Variants in ESF1 observed in about 807,000 individuals in gnomAD.
ESF1 encodes the protein ESF1 homolog.
A neutral mutation model predicts 92.0 loss-of-function variants in ESF1; 58 were observed. The ratio of observed to expected loss-of-function variants is 0.63; its 90% CI spans 0.51 to 0.78. ESF1 has a LOEUF of 0.78. Ranked by LOEUF, ESF1 falls within the 30% of genes least tolerant of loss-of-function variation. The pLI is 0.00. For synonymous variants in ESF1, 321 were observed against 313.7 expected, an observed-to-expected ratio of 1.02 and a Z score of -0.24; for missense variants, 922 against 989.1, an observed-to-expected ratio of 0.93 and a Z score of 0.91.
intron 13 of ESF1, among the ~76,000 whole-genome samples, chr20:13,717,007 T>C (rs973509487): frequency 1.4e-4 from 22 of 151,756 alleles, no homozygotes; most frequent in African/African-American, 4.3e-4. Context: ...TTAGTAGAGA[T>C]GGGGTTTCAC....
intron 10 of ESF1, among the ~76,000 whole-genome samples, chr20:13,728,769 A>C (rs990520562): frequency 6.6e-6 from 1 of 151,976 alleles, no homozygotes; most frequent in African/African-American, 2.4e-5. Context: ...CGTGAGGCTG[A>C]GGCAGGAGAA....
chr20:13,729,682 C>T (rs2049928737), intron 10 of ESF1, among the ~76,000 whole-genome samples: 2 of 152,120 alleles, frequency 1.3e-5, no homozygotes, highest in East Asian at 3.9e-4. Context: ...CTAAAACATA[C>T]ACAAAAGTAG....
chr20:13,782,414 A>G, intron 2 of ESF1, 90 bp downstream of exon 2: 1 of 1,124,680 alleles, frequency 8.9e-7, no homozygotes, highest in Non-Finnish European at 1.2e-6. Flanking sequence ...AATACTATGA[A>G]AATACTTATT....
chr20:13,720,170 T>C (rs889006747), intron 11 of ESF1, among the ~76,000 whole-genome samples: 3 of 152,162 alleles, frequency 2.0e-5, no homozygotes, highest in African/African-American at 7.2e-5. Context: ...CTGTGTCTCC[T>C]TTCCTTGTAC....
intron 11 of ESF1, among the ~76,000 whole-genome samples, chr20:13,722,342 ATTG>A (rs758081987): frequency 1.3e-5 from 2 of 152,306 alleles, no homozygotes; most frequent in East Asian, 3.9e-4. Flanking sequence ...GTTAGACTGA[ATTG>A]TTTAGTGAAA....
intron 11 of ESF1, among the ~76,000 whole-genome samples, chr20:13,726,615 C>G (rs2049902436): frequency 6.6e-6 from 1 of 152,190 alleles, no homozygotes; most frequent in Non-Finnish European, 1.5e-5. Flanking sequence ...TACCCTCATA[C>G]TATTTATCTG....
chr20:13,727,664 C>T (rs1292336034), intron 11 of ESF1, among the ~76,000 whole-genome samples: 1 of 152,056 alleles, frequency 6.6e-6, no homozygotes. Context: ...AACACATTTA[C>T]ACATACGCAT....
intron 12 of ESF1, among the ~76,000 whole-genome samples, chr20:13,717,918 C>T (rs1432174013): frequency 1.4e-5 from 2 of 148,036 alleles, no homozygotes; most frequent in Non-Finnish European, 3.0e-5. Flanking sequence ...ATTATACTTT[C>T]TAAATGTGTA....
At chr20:13,747,720 A>AT (rs201702888) in intron 9 of ESF1, among the ~76,000 whole-genome samples, 152,372 of 152,374 alleles carry the variant, frequency 1, 76,185 homozygotes, top group Middle Eastern at 1. Flanking sequence ...ATGTGTAGGC[A>AT]TTTTATTGTT....
At position 13,745,176 on chromosome 20, in the gene ESF1, G is replaced by A. The variant is rs1056988100; in HGVS notation, c.1829-11334C>T. 4.6e-5 allele frequency among the ~76,000 whole-genome samples: 7 copies of A among 152,200 alleles called. No individual in the cohort carries two copies. In the South Asian group the frequency reaches 1.4e-3, roughly 31 times the overall value. On this transcript the variant is annotated intron_variant, in intron 9 of 13. Coordinates refer to ENST00000617257, the MANE Select transcript of ESF1 (RefSeq NM_001276380.2). ...CTGGTGAGAGTATAAGATGGCACAA[G>A]CATTTGGGAAAACACATGACCTAGT...
chr20:13,760,556 C>T (rs914502641), intron 8 of ESF1, among the ~76,000 whole-genome samples: 39 of 148,808 alleles, frequency 2.6e-4, no homozygotes, highest in African/African-American at 9.2e-4. Context: ...CCCCTCCGCC[C>T]GGCAGCCGCC....
intron 9 of ESF1, among the ~76,000 whole-genome samples, chr20:13,737,689 T>C (rs796657873): frequency 4.6e-5 from 7 of 152,300 alleles, no homozygotes; most frequent in South Asian, 4.1e-4. Context: ...AGTCTTGCTC[T>C]GTCACCCAGG....
Position 13,756,298 on chromosome 20 carries a change from G to A in ESF1, c.1828+3394C>T, listed in dbSNP as rs537313255. Among the ~76,000 whole-genome samples the A allele has an allele frequency of 2.0e-5, 3 of 152,240 alleles. No homozygotes were observed. In the South Asian group the frequency reaches 6.2e-4, roughly 32 times the overall value. ...GCGTGCATGTACATAAGGATTCACA[G>A]ATAACAATACCTCATTAGGGGCCTT... On this transcript the variant is annotated intron_variant, in intron 9 of 13. Transcript: ENST00000617257.
At chr20:13,730,406 C>T (rs1342889234) in intron 10 of ESF1, among the ~76,000 whole-genome samples, 6 of 134,634 alleles carry the variant, frequency 4.5e-5, no homozygotes, top group Non-Finnish European at 6.3e-5. Context: ...TTTTTTGAGA[C>T]GGAGTCTCAC....
At chr20:13,750,309 A>G (rs1448795468) in intron 9 of ESF1, among the ~76,000 whole-genome samples, 1 of 152,196 alleles carries the variant, frequency 6.6e-6, no homozygotes, top group African/African-American at 2.4e-5. Context: ...GTTCGAGACC[A>G]GCCTGGCTAA....
Position 13,728,379 on chromosome 20 carries a change from T to C in ESF1, c.2037A>G (p.Ile679Met). ...DPYFAEEVKQ[I>M]GINKKSVKSA... Reference sequence around the variant, plus strand: ...AACTACAGATATGAGCTGGCTTACCTATTTGTTTAACTTCTTCAGCAAAGT... The same window carrying C: ...AACTACAGATATGAGCTGGCTTACCCATTTGTTTAACTTCTTCAGCAAAGT... Residue 679 changes from isoleucine (I) to methionine (M), a missense_variant and splice_region_variant, in exon 11 of 14, where the codon ATA (isoleucine) becomes ATG (methionine). Coordinates refer to ENST00000617257, the MANE Select transcript of ESF1 (RefSeq NM_001276380.2). The C allele has an allele frequency of 6.2e-7, 1 of 1,610,700 alleles. No homozygotes were observed. The highest frequency in any genetic ancestry group is 8.5e-7 in the Non-Finnish European group (1 of 1,178,404).
intron 10 of ESF1, among the ~76,000 whole-genome samples, chr20:13,732,473 C>T (rs1171269208): frequency 6.6e-6 from 1 of 152,158 alleles, no homozygotes; most frequent in Non-Finnish European, 1.5e-5. Context: ...CGTCACAGCA[C>T]TAAAAGTCAA....
Position 13,714,813 on chromosome 20 carries a change from C to A in ESF1, c.*61G>T, listed in dbSNP as rs908842600. On this transcript the variant is annotated 3_prime_UTR_variant, in exon 14 of 14. Coordinates refer to ENST00000617257, the MANE Select transcript of ESF1 (RefSeq NM_001276380.2). ...GCTTTGTTCCCAATAAATATTCCCT[C>A]CTATTATTTTTGTACATTTTAGGAA... The A allele has an allele frequency of 6.7e-5, 88 of 1,312,556 alleles. No individual in the cohort carries two copies. In the African/African-American group the frequency reaches 1.3e-3, roughly 19 times the overall value. 81.3% of individuals were successfully genotyped at this position (1,312,556 alleles called of 1,614,324 possible). A position where few individuals can be genotyped will look rare whatever the true frequency, so the allele number is the denominator to read the frequency against.
chr20:13,746,785 T>G (rs1873857243), intron 9 of ESF1, among the ~76,000 whole-genome samples: 1 of 152,248 alleles, frequency 6.6e-6, no homozygotes, highest in African/African-American at 2.4e-5. Context: ...TTCCCTAGCA[T>G]TCCAATATTT....
Sources: gnomAD v4.1 joint callset for allele counts (sites outside exome capture counted in the v4.1 genomes callset) on GRCh38, gnomAD v4.1.1 for gene constraint, MANE v1.5 for transcripts, NCBI Gene and HGNC (gene_info 2026-07-23, HGNC 2026-07-21) for gene names.